CDH10: variants seen among roughly 807,000 people sequenced by gnomAD.
CDH10 encodes the protein cadherin-10.
Under a neutral mutation model 73.1 loss-of-function variants are expected in CDH10, and 30 were observed. That is an observed-to-expected ratio of 0.41 (90% confidence interval 0.31 to 0.56). The LOEUF (loss-of-function observed/expected upper bound fraction) is 0.56. CDH10 is among the 20% of genes least tolerant of loss of function. CDH10 has a pLI of 0.27. For missense variants in CDH10, 815 were observed against 973.7 expected (o/e 0.84, Z 2.17); for synonymous variants, 345 against 348.2 (o/e 0.99, Z 0.10).
At position 24,511,327 on chromosome 5, in the gene CDH10, C is replaced by G; in HGVS notation, c.1002G>C (p.Lys334Asn). 6.3e-7 allele frequency: 1 copy of G among 1,596,910 alleles called. No individual in the cohort carries two copies. The highest frequency in any genetic ancestry group is 8.6e-7 in the Non-Finnish European group (1 of 1,165,390). ...DTQEGIITVK[K>N]PLDYESRRLY... ...GCTTATTTATATGGATGCTGTGCAC[C>G]TTTTTCACAGTGATGATGCCTTCCT... Residue 334 changes from lysine to asparagine, a missense_variant and splice_region_variant, in exon 6 of 12, where the codon AAG (lysine) becomes AAC (asparagine). By Grantham distance (94) the Lys-to-Asn change is moderately conservative. This residue lies in a region of CDH10 where 516 missense variants were observed against 636.6 expected (regional missense o/e 0.81). Coordinates refer to ENST00000264463, the MANE Select transcript of CDH10 (RefSeq NM_006727.5).
intron 2 of CDH10, among the ~76,000 whole-genome samples, chr5:24,589,445 A>G (rs1321360408): frequency 6.6e-6 from 1 of 152,104 alleles, no homozygotes; most frequent in Non-Finnish European, 1.5e-5. Flanking sequence ...AGATTTTACT[A>G]TACTGACTTA....
At chr5:24,496,461 G>A (rs149234602) in intron 9 of CDH10, among the ~76,000 whole-genome samples, 1 of 152,178 alleles carries the variant, frequency 6.6e-6, no homozygotes, top group East Asian at 1.9e-4. Context: ...CACACGAGGG[G>A]ACTACTAATA....
chr5:24,514,138 C>A (rs534838041), intron 5 of CDH10, among the ~76,000 whole-genome samples: 1 of 152,182 alleles, frequency 6.6e-6, no homozygotes, highest in Admixed American at 6.5e-5. Flanking sequence ...AGCTTCCTAC[C>A]TAGTCTACTA....
intron 1 of CDH10, among the ~76,000 whole-genome samples, chr5:24,634,273 G>A (rs1747801015): frequency 6.6e-6 from 1 of 151,676 alleles, no homozygotes; most frequent in South Asian, 2.1e-4. Flanking sequence ...CCAACTAAAT[G>A]AAAGCAAAAT....
At chr5:24,623,992 C>T (rs1011217785) in intron 1 of CDH10, among the ~76,000 whole-genome samples, 2 of 152,032 alleles carry the variant, frequency 1.3e-5, no homozygotes, top group South Asian at 2.1e-4. Flanking sequence ...TCTATACTAT[C>T]AAAGCATAAC....
chr5:24,605,433 C>T (rs2112129366), intron 1 of CDH10, among the ~76,000 whole-genome samples: 1 of 152,320 alleles, frequency 6.6e-6, no homozygotes, highest in East Asian at 1.9e-4. Context: ...AGTTTGCACA[C>T]TCCTTATGAG....
intron 4 of CDH10, 149 bp downstream of exon 4, chr5:24,535,554 A>G: frequency 6.6e-6 from 5 of 755,214 alleles, no homozygotes; most frequent in Non-Finnish European, 8.4e-6. Flanking sequence ...CTATCATTTA[A>G]CTTTGAGTTC....
intron 5 of CDH10, among the ~76,000 whole-genome samples, chr5:24,515,802 A>T (rs2319473): frequency 0.11 from 16,996 of 151,962 alleles, 1,212 homozygotes; most frequent in Admixed American, 0.18. Flanking sequence ...CATGGGAGGG[A>T]CCTGGTGGGA....
chr5:24,627,454 C>T (rs1747549195), intron 1 of CDH10, among the ~76,000 whole-genome samples: 1 of 151,980 alleles, frequency 6.6e-6, no homozygotes, highest in Non-Finnish European at 1.5e-5. Flanking sequence ...TAATAGATCA[C>T]ATATTTTTTC....
intron 2 of CDH10, among the ~76,000 whole-genome samples, chr5:24,552,081 A>G (rs1482231718): frequency 1.3e-5 from 2 of 152,152 alleles, no homozygotes; most frequent in African/African-American, 4.8e-5. Context: ...TGGGATTGCA[A>G]TGAATTTACA....
chr5:24,636,521 T>C (rs751050668), intron 1 of CDH10, among the ~76,000 whole-genome samples: 1 of 151,936 alleles, frequency 6.6e-6, no homozygotes, highest in Non-Finnish European at 1.5e-5. Context: ...GACCAAGTTT[T>C]AAACACAGTG....
chr5:24,545,499 G>C (rs1744306241), intron 2 of CDH10, among the ~76,000 whole-genome samples: 1 of 152,048 alleles, frequency 6.6e-6, no homozygotes, highest in Non-Finnish European at 1.5e-5. Flanking sequence ...ACGCAGGTGA[G>C]GGCTCAGTGT....
intron 8 of CDH10, among the ~76,000 whole-genome samples, chr5:24,501,728 C>T (rs557350037): frequency 2.0e-5 from 3 of 152,204 alleles, no homozygotes; most frequent in Non-Finnish European, 4.4e-5. Context: ...ATAAGAACTA[C>T]GGTGTGGATA....
chr5:24,621,690 T>A (rs1292490532), intron 1 of CDH10, among the ~76,000 whole-genome samples: 1 of 151,872 alleles, frequency 6.6e-6, no homozygotes, highest in Non-Finnish European at 1.5e-5. Context: ...GAAAGCCTAG[T>A]TGATCTCTCT....
chr5:24,532,963 C>T (rs141282215), intron 5 of CDH10, among the ~76,000 whole-genome samples: 155 of 152,088 alleles, frequency 1.0e-3, no homozygotes, highest in Non-Finnish European at 1.8e-3. Context: ...ATTTTCCAGA[C>T]GTTATATGAT....
intron 1 of CDH10, among the ~76,000 whole-genome samples, chr5:24,635,011 A>G (rs576916207): frequency 6.6e-6 from 1 of 151,746 alleles, no homozygotes; most frequent in African/African-American, 2.4e-5. Flanking sequence ...AAAGGAAAAA[A>G]AAAAAACAGA....
intron 5 of CDH10, among the ~76,000 whole-genome samples, chr5:24,530,016 CTTTTTT>C (rs34282847): frequency 2.8e-4 from 34 of 121,834 alleles, no homozygotes; most frequent in African/African-American, 6.1e-4. Context: ...TCTATTTTTA[CTTTTTT>C]TTTTTTTTTT....
chr5:24,514,908 T>C (rs1743053918), intron 5 of CDH10, among the ~76,000 whole-genome samples: 1 of 152,118 alleles, frequency 6.6e-6, no homozygotes, highest in Non-Finnish European at 1.5e-5. Context: ...ATAAATCATT[T>C]AGAGAGTACA....
chr5:24,565,740 C>G (rs747695926), intron 2 of CDH10, among the ~76,000 whole-genome samples: 2 of 151,904 alleles, frequency 1.3e-5, no homozygotes, highest in South Asian at 2.1e-4. Context: ...AACTCTCGCT[C>G]TCTGTCTCTA....
Sources: allele counts gnomAD v4.1 joint callset (sites outside exome capture counted in the v4.1 genomes callset), GRCh38; gene constraint gnomAD v4.1.1; regional missense constraint gnomAD v4.1.1; transcripts MANE v1.5; gene names NCBI Gene and HGNC (gene_info 2026-07-23, HGNC 2026-07-21).